The following DIAPH3 variants were observed in gnomAD, a reference collection of about 807,000 sequenced individuals.
The protein encoded by DIAPH3 is diaphanous related formin 3.
A neutral mutation model predicts 144.3 loss-of-function variants in DIAPH3; 117 were observed. That is an observed-to-expected ratio of 0.81 (90% CI 0.70 to 0.95). The LOEUF (loss-of-function observed/expected upper bound fraction) is 0.95, where lower values mean the gene tolerates loss of function less well. Ranked by LOEUF, DIAPH3 falls within the 40% of genes least tolerant of loss-of-function variation. The pLI is 0.00. For synonymous variants in DIAPH3, 519 were observed against 488.9 expected, an observed-to-expected ratio of 1.06 and a Z score of -0.81; for missense variants, 1,421 against 1,412.7, an observed-to-expected ratio of 1.01 and a Z score of -0.09.
chr13:60,074,892 A>G (rs928509249), intron 4 of DIAPH3, among the ~76,000 whole-genome samples: 1 of 152,138 alleles, frequency 6.6e-6, no homozygotes, highest in Non-Finnish European at 1.5e-5. Flanking sequence ...CTATTGATAA[A>G]TATTTTGGTT....
chr13:59,930,396 C>A (rs2047967259), intron 17 of DIAPH3, among the ~76,000 whole-genome samples: 1 of 152,072 alleles, frequency 6.6e-6, no homozygotes, highest in African/African-American at 2.4e-5. Flanking sequence ...GAAGAGCACC[C>A]TAACTATGCT....
chr13:60,015,989 T>A lies in DIAPH3; in HGVS notation c.702-7A>T, dbSNP rs976845217. ...CTTTACAACTTTTTCTTGGCTGTAT[T>A]GACATAAAAAATAGCAGTGTTGGAA... On this transcript the variant is annotated splice_region_variant and splice_polypyrimidine_tract_variant and intron_variant, in intron 6 of 27. Coordinates refer to ENST00000400324, the MANE Select transcript of DIAPH3 (RefSeq NM_001042517.2). 6.2e-7 allele frequency: 1 copy of A among 1,612,744 alleles called. No individual in the cohort carries two copies. Among genetic ancestry groups the A allele is most frequent in the African/African-American group, 1.3e-5 (1 of 74,918 alleles).
At chr13:59,739,443 C>T (rs1416151308) in intron 27 of DIAPH3, among the ~76,000 whole-genome samples, 2 of 152,116 alleles carry the variant, frequency 1.3e-5, no homozygotes, top group Non-Finnish European at 2.9e-5. Context: ...CCAACATGTG[C>T]CCTCACAATA....
At chr13:60,100,853 CA>C (rs1454728088) in intron 3 of DIAPH3, among the ~76,000 whole-genome samples, 1 of 151,332 alleles carries the variant, frequency 6.6e-6, no homozygotes, top group Non-Finnish European at 1.5e-5. Context: ...ATAGTAAATA[CA>C]CACTGAATTG....
At chr13:60,065,274 AAGC>A (rs1160622027) in intron 4 of DIAPH3, among the ~76,000 whole-genome samples, 1 of 147,198 alleles carries the variant, frequency 6.8e-6, no homozygotes, top group African/African-American at 2.6e-5. Context: ...AAAAAAAAAA[AAGC>A]AGCATCTGCA....
chr13:59,728,203 C>T lies in DIAPH3; in HGVS notation c.3319+45986G>A, dbSNP rs533717877. Among the ~76,000 whole-genome samples, 127 of 151,986 alleles carry T rather than the reference C, an allele frequency of 8.4e-4. 6 individuals carry two copies. ...TATCTGGTAAGGCTAGACACCCCCA[C>T]TGGTTACTCTTTTTATTTTTAATTG... is the stretch of plus-strand genomic sequence containing the variant. On this transcript the variant is annotated intron_variant, in intron 27 of 27. Transcript: ENST00000400324.
At chr13:60,123,306 T>C (rs2058896789) in intron 2 of DIAPH3, among the ~76,000 whole-genome samples, 1 of 152,162 alleles carries the variant, frequency 6.6e-6, no homozygotes, top group Non-Finnish European at 1.5e-5. Flanking sequence ...GACAGAGACC[T>C]TCTTTTTCCA....
intron 22 of DIAPH3, among the ~76,000 whole-genome samples, chr13:59,841,438 A>C (rs754389350): frequency 2.6e-5 from 4 of 152,022 alleles, no homozygotes; most frequent in Non-Finnish European, 5.9e-5. Context: ...AAATTAAAAA[A>C]AAAAAATTAG....
At chr13:59,712,137 C>G (rs1051724271) in intron 27 of DIAPH3, among the ~76,000 whole-genome samples, 20 of 152,148 alleles carry the variant, frequency 1.3e-4, no homozygotes, top group African/African-American at 4.8e-4. Context: ...AAAAAGGTAA[C>G]AGCATTATAT....
intron 2 of DIAPH3, among the ~76,000 whole-genome samples, chr13:60,112,547 T>A (rs2058596809): frequency 6.6e-6 from 1 of 152,218 alleles, no homozygotes; most frequent in Non-Finnish European, 1.5e-5. Flanking sequence ...TAGTACTCAC[T>A]GTCCCATCTC....
intron 13 of DIAPH3, among the ~76,000 whole-genome samples, chr13:59,983,278 T>C (rs1001715099): frequency 3.3e-5 from 5 of 150,838 alleles, no homozygotes; most frequent in African/African-American, 1.2e-4. Context: ...AATATTTTCT[T>C]ATTGAACTCT....
chr13:60,000,335 T>A (rs1594284785), intron 9 of DIAPH3, among the ~76,000 whole-genome samples: 1 of 152,010 alleles, frequency 6.6e-6, no homozygotes, highest in South Asian at 2.1e-4. Flanking sequence ...TGCACAACAA[T>A]GTGAATGTGT....
At chr13:60,059,892 T>C (rs1038435741) in intron 4 of DIAPH3, among the ~76,000 whole-genome samples, 22 of 152,152 alleles carry the variant, frequency 1.4e-4, no homozygotes, top group South Asian at 4.1e-4. Flanking sequence ...CAAAACTTCA[T>C]TGGGCATTTA....
rs1213257233 is a variant in DIAPH3, at chr13:59,879,342, T to A, written c.2494A>T (p.Lys832Ter). The A allele has an allele frequency of 1.2e-6, 2 of 1,613,812 alleles. No individual in the cohort carries two copies. The highest frequency in any genetic ancestry group is 1.7e-5 in the Admixed American group (1 of 59,950). ...AGCAACTTGCTAAAGCTTTTGCTCT[T>A]CTTTATCTCTTCGCAGGCAGTACTG... Reference protein sequence around the residue: ...AVSTACEEIKKSKSFSKLLEL... With the variant: ...AVSTACEEIK The change falls in exon 21 of 28, where the codon AAG (lysine) becomes TAG (stop). Residue 832 changes from lysine (K) to a stop codon, truncating the protein, a stop_gained. Transcript: ENST00000400324. LOFTEE classifies it high-confidence loss of function.
At chr13:59,762,082 G>C (rs138456223) in intron 27 of DIAPH3, among the ~76,000 whole-genome samples, 2 of 49,458 alleles carry the variant, frequency 4.0e-5, no homozygotes, top group African/African-American at 2.0e-4. Context: ...TTTTTTTTTA[G>C]ACAGTCTTGC....
chr13:59,939,320 T>G (rs1008320168), intron 17 of DIAPH3, among the ~76,000 whole-genome samples: 10 of 152,162 alleles, frequency 6.6e-5, no homozygotes, highest in Admixed American at 2.0e-4. Context: ...CTCTCCAAAT[T>G]GTACAAAGAA....
At chr13:60,017,601 T>G (rs1448544139) in intron 5 of DIAPH3, among the ~76,000 whole-genome samples, 2 of 152,228 alleles carry the variant, frequency 1.3e-5, no homozygotes, top group Non-Finnish European at 2.9e-5. Context: ...CTTCTTCATT[T>G]GCATATTTCT....
rs1276065140 is a variant in DIAPH3 at position 59,846,655 on chromosome 13, C to T, written c.2738-7207G>A. ...CTATTAAGTAGGTCTACAACAAAAC[C>T]TAAATTCTAGAATACCATTATAAAA... On this transcript the variant is annotated intron_variant, in intron 22 of 27. Coordinates refer to ENST00000400324, the MANE Select transcript of DIAPH3 (RefSeq NM_001042517.2). Among the ~76,000 whole-genome samples, 4 of 151,762 alleles carry T rather than the reference C, an allele frequency of 2.6e-5. No individual in the cohort carries two copies. The East Asian group carries it at 7.7e-4, about 29-fold the overall frequency.
At chr13:59,879,577 G>T in intron 20 of DIAPH3, 109 bp from the exon 21 acceptor site, 1 of 1,452,860 alleles carries the variant, frequency 6.9e-7, no homozygotes, top group Non-Finnish European at 9.5e-7. Flanking sequence ...TACCAAAGAA[G>T]AAATATGTCT....
Sources: allele counts gnomAD v4.1 joint callset (sites outside exome capture counted in the v4.1 genomes callset), GRCh38; gene constraint gnomAD v4.1.1; transcripts MANE v1.5; gene names NCBI Gene and HGNC (gene_info 2026-07-23, HGNC 2026-07-21).